Variants in CDH12 observed in about 807,000 individuals in gnomAD.
CDH12 encodes the protein cadherin-12.
Under a neutral mutation model 74.1 loss-of-function variants are expected in CDH12, and 41 were observed. The ratio of observed to expected loss-of-function variants is 0.55; its 90% CI spans 0.43 to 0.72. CDH12 has a LOEUF of 0.72. Among genes scored for constraint, CDH12 ranks in the 30% least tolerant of loss-of-function variants. CDH12 has a pLI of 0.00. For synonymous variants in CDH12, 399 were observed against 355.0 expected (o/e 1.12, Z -1.39); for missense variants, 945 against 977.2 (o/e 0.97, Z 0.44).
intron 1 of CDH12, among the ~76,000 whole-genome samples, chr5:22,575,779 G>C (rs968077118): frequency 6.6e-6 from 1 of 151,980 alleles, no homozygotes; most frequent in African/African-American, 2.4e-5. Flanking sequence ...TGGCCAGACT[G>C]GTCTTGAACA....
At chr5:22,189,309 T>C (rs1750132695) in intron 4 of CDH12, among the ~76,000 whole-genome samples, 1 of 152,208 alleles carries the variant, frequency 6.6e-6, no homozygotes, top group South Asian at 2.1e-4. Context: ...GCTGCTTCTC[T>C]TTCACTAACA....
intron 3 of CDH12, among the ~76,000 whole-genome samples, chr5:22,253,282 A>G (rs1753195174): frequency 6.6e-6 from 1 of 151,908 alleles, no homozygotes; most frequent in Non-Finnish European, 1.5e-5. Flanking sequence ...AAAAGTGACT[A>G]TTTTTCCTTC....
chr5:22,556,367 C>A (rs2126741617), intron 1 of CDH12, among the ~76,000 whole-genome samples: 1 of 152,036 alleles, frequency 6.6e-6, no homozygotes, highest in Non-Finnish European at 1.5e-5. Context: ...AACAAGTGAT[C>A]AAATACAACT....
chr5:22,057,295 AGTT>A (rs1366104224), intron 5 of CDH12, among the ~76,000 whole-genome samples: 4 of 152,178 alleles, frequency 2.6e-5, no homozygotes, highest in Non-Finnish European at 5.9e-5. Context: ...ACTTATCTAA[AGTT>A]GTATTTGAAA....
chr5:22,249,376 G>A (rs190600910), intron 3 of CDH12, among the ~76,000 whole-genome samples: 170 of 152,268 alleles, frequency 1.1e-3, no homozygotes, highest in Middle Eastern at 6.8e-3. Flanking sequence ...GCTGCGTGGC[G>A]GGAGGCGATA....
chr5:22,810,632 T>A (rs1177842470), intron 1 of CDH12, among the ~76,000 whole-genome samples: 2 of 152,186 alleles, frequency 1.3e-5, no homozygotes, highest in East Asian at 1.9e-4. Flanking sequence ...ATCCCAGCAC[T>A]TTGGAAGGCT....
At chr5:22,545,157 GT>G (rs1738261210) in intron 1 of CDH12, among the ~76,000 whole-genome samples, 1 of 152,106 alleles carries the variant, frequency 6.6e-6, no homozygotes, top group Admixed American at 6.5e-5. Context: ...AATTTATTAT[GT>G]TATTGTGCTG....
At chr5:22,776,387 C>G (rs1747105852) in intron 1 of CDH12, among the ~76,000 whole-genome samples, 1 of 151,984 alleles carries the variant, frequency 6.6e-6, no homozygotes, top group Admixed American at 6.6e-5. Flanking sequence ...ATAAATGATC[C>G]CTGTCCGTCC....
chr5:21,894,275 A>T (rs542431049), intron 6 of CDH12, among the ~76,000 whole-genome samples: 4 of 149,158 alleles, frequency 2.7e-5, no homozygotes, highest in Non-Finnish European at 5.9e-5. Context: ...GTTACTCAGG[A>T]GGCTGAGACA....
At chr5:22,414,059 T>C (rs1263151620) in intron 2 of CDH12, among the ~76,000 whole-genome samples, 1 of 152,166 alleles carries the variant, frequency 6.6e-6, no homozygotes, top group South Asian at 2.1e-4. Flanking sequence ...TTATAATTTG[T>C]GTGAGTACAT....
chr5:22,298,002 T>C (rs1174148292), intron 3 of CDH12, among the ~76,000 whole-genome samples: 1 of 151,854 alleles, frequency 6.6e-6, no homozygotes, highest in Non-Finnish European at 1.5e-5. Context: ...AAATGCCAGC[T>C]ATTGCTTTTA....
chr5:21,942,233 T>C (rs937314700), intron 6 of CDH12, among the ~76,000 whole-genome samples: 1 of 151,934 alleles, frequency 6.6e-6, no homozygotes, highest in African/African-American at 2.4e-5. Flanking sequence ...TATGTGACTC[T>C]ATTTTAGTCT....
chr5:22,711,866 C>A (rs1252839635), intron 1 of CDH12, among the ~76,000 whole-genome samples: 1 of 151,970 alleles, frequency 6.6e-6, no homozygotes, highest in Non-Finnish European at 1.5e-5. Flanking sequence ...TTCTTGAGGG[C>A]ATTCATTACA....
At chr5:21,983,651 C>A (rs1757403244) in intron 5 of CDH12, among the ~76,000 whole-genome samples, 1 of 152,062 alleles carries the variant, frequency 6.6e-6, no homozygotes, top group Non-Finnish European at 1.5e-5. Context: ...ACGATTATTT[C>A]CTGTCCTTGG....
At chr5:22,725,329 A>G (rs1392363411) in intron 1 of CDH12, among the ~76,000 whole-genome samples, 1 of 151,924 alleles carries the variant, frequency 6.6e-6, no homozygotes, top group Non-Finnish European at 1.5e-5. Flanking sequence ...TGGATGAGCC[A>G]TATTTTTCCC....
intron 1 of CDH12, among the ~76,000 whole-genome samples, chr5:22,696,852 G>A (rs1414178611): frequency 6.6e-6 from 1 of 152,028 alleles, no homozygotes; most frequent in Non-Finnish European, 1.5e-5. Context: ...AGGCTGGGAT[G>A]CCTGGAATTC....
chr5:22,604,857 T>C (rs1194383058), intron 1 of CDH12, among the ~76,000 whole-genome samples: 1 of 152,080 alleles, frequency 6.6e-6, no homozygotes, highest in Non-Finnish European at 1.5e-5. Flanking sequence ...AACTGAGAAA[T>C]AATGAAATAC....
At chr5:22,368,587 G>A (rs181912148) in intron 3 of CDH12, among the ~76,000 whole-genome samples, 17 of 151,086 alleles carry the variant, frequency 1.1e-4, no homozygotes, top group Admixed American at 3.3e-4. Flanking sequence ...AGTAATAACC[G>A]CTGGTTAATA....
chr5:22,270,456 A>G (rs370853926), intron 3 of CDH12, among the ~76,000 whole-genome samples: 28 of 151,772 alleles, frequency 1.8e-4, no homozygotes, highest in Non-Finnish European at 3.1e-4. Context: ...TTAGCCAGGC[A>G]TGGCGGCACA....
Sources: gnomAD v4.1 joint callset for allele counts (sites outside exome capture counted in the v4.1 genomes callset) on GRCh38, gnomAD v4.1.1 for gene constraint, MANE v1.5 for transcripts, NCBI Gene and HGNC (gene_info 2026-07-23, HGNC 2026-07-21) for gene names.